The following WWC1 variants were observed in gnomAD, a reference collection of about 807,000 sequenced individuals.
The protein encoded by WWC1 is protein KIBRA.
Under a neutral mutation model 138.4 loss-of-function variants are expected in WWC1, and 55 were observed. The ratio of observed to expected loss-of-function variants is 0.40; its 90% CI spans 0.32 to 0.50. The LOEUF is 0.50. Among genes scored for constraint, WWC1 ranks in the 20% least tolerant of loss-of-function variants. The pLI is 0.72. For synonymous variants in WWC1, 524 were observed against 564.9 expected, an observed-to-expected ratio of 0.93 and a Z score of 1.03; for missense variants, 1,226 against 1,420.4, an observed-to-expected ratio of 0.86 and a Z score of 2.20.
At chr5:168,323,953 C>T (rs1581920066) in intron 1 of WWC1, among the ~76,000 whole-genome samples, 1 of 152,142 alleles carries the variant, frequency 6.6e-6, no homozygotes, top group African/African-American at 2.4e-5. Context: ...TCATCAGAGA[C>T]GATACAAACC....
chr5:168,355,972 T>C (rs777040320), intron 1 of WWC1, among the ~76,000 whole-genome samples: 24 of 151,752 alleles, frequency 1.6e-4, no homozygotes, highest in Non-Finnish European at 2.7e-4. Flanking sequence ...AGTGATTCTC[T>C]TGGGGGGGCT....
At position 168,460,713 on chromosome 5, in the gene WWC1, C is replaced by T; in HGVS notation, c.2887C>T (p.Leu963=). 6.2e-7 allele frequency: 1 copy of T among 1,614,176 alleles called. No homozygotes were observed. The highest frequency in any genetic ancestry group is 8.5e-7 in the Non-Finnish European group (1 of 1,180,026). The change falls in exon 20 of 23, where the codon CTG becomes TTG. Residue 963 remains leucine, a synonymous_variant. Transcript: ENST00000265293. ...SKKPPFVRNS[L]ERRSVRMKRP... ...AAAGCCACCTTTTGTTCGAAACTCC[C>T]TGGAGCGACGCAGCGTCCGGATGAA... is the stretch of plus-strand genomic sequence containing the variant.
chr5:168,334,094 T>C (rs10066443), intron 1 of WWC1, among the ~76,000 whole-genome samples: 15,647 of 138,128 alleles, frequency 0.11, 2,909 homozygotes, highest in African/African-American at 0.39. Flanking sequence ...TATAGTGGTA[T>C]ACAACTGTGG....
chr5:168,445,658 C>T (rs925549258), intron 17 of WWC1, among the ~76,000 whole-genome samples: 2 of 144,598 alleles, frequency 1.4e-5, no homozygotes, highest in Non-Finnish European at 3.0e-5. Context: ...ACCGAGATTG[C>T]GCCACTGCAC....
chr5:168,348,812 A>T (rs1774692524), intron 1 of WWC1, among the ~76,000 whole-genome samples: 1 of 152,128 alleles, frequency 6.6e-6, no homozygotes, highest in Non-Finnish European at 1.5e-5. Flanking sequence ...CCCACACTGC[A>T]GCCTGGGATC....
chr5:168,375,152 G>A (rs535356091), intron 2 of WWC1, among the ~76,000 whole-genome samples: 1 of 152,234 alleles, frequency 6.6e-6, no homozygotes, highest in East Asian at 1.9e-4. Flanking sequence ...GTATTTGAGA[G>A]TTGCTGGCAT....
At chr5:168,450,489 A>G (rs1755697241) in intron 17 of WWC1, among the ~76,000 whole-genome samples, 1 of 152,134 alleles carries the variant, frequency 6.6e-6, no homozygotes, top group South Asian at 2.1e-4. Context: ...AACATGGTGA[A>G]ACACCATCTC....
chr5:168,410,334 G>A (rs2152840651), intron 8 of WWC1, among the ~76,000 whole-genome samples: 1 of 152,272 alleles, frequency 6.6e-6, no homozygotes, highest in South Asian at 2.1e-4. Context: ...GAGTACAACT[G>A]GAATTTCAGC....
At chr5:168,307,097 G>C (rs190855463) in intron 1 of WWC1, among the ~76,000 whole-genome samples, 2 of 152,364 alleles carry the variant, frequency 1.3e-5, no homozygotes, top group East Asian at 3.9e-4. Context: ...GTTGTGCCAA[G>C]CTCTGGGCTG....
chr5:168,466,999 C>A (rs570610829), intron 21 of WWC1, among the ~76,000 whole-genome samples: 2 of 152,148 alleles, frequency 1.3e-5, no homozygotes, highest in Non-Finnish European at 2.9e-5. Flanking sequence ...CGGTGGCTCA[C>A]GCCTGTAATC....
At chr5:168,417,251 A>G (rs187585657) in intron 9 of WWC1, among the ~76,000 whole-genome samples, 1 of 152,308 alleles carries the variant, frequency 6.6e-6, no homozygotes, top group African/African-American at 2.4e-5. Flanking sequence ...ACCTATCTAC[A>G]ATGTTGAGGA....
chr5:168,357,739 C>T (rs779801400), intron 1 of WWC1, among the ~76,000 whole-genome samples: 4 of 152,112 alleles, frequency 2.6e-5, no homozygotes, highest in African/African-American at 4.8e-5. Flanking sequence ...CAGAACACTT[C>T]GGTGTTTCAT....
At chr5:168,338,936 TTAA>T (rs564140965) in intron 1 of WWC1, among the ~76,000 whole-genome samples, 118 of 152,218 alleles carry the variant, frequency 7.8e-4, no homozygotes, top group African/African-American at 2.7e-3. Context: ...GTTAACCATA[TTAA>T]TATAGTTTCA....
intron 3 of WWC1, among the ~76,000 whole-genome samples, chr5:168,389,597 G>GTTTTTTTTTTTTT (rs55873477): frequency 2.3e-5 from 3 of 129,332 alleles, no homozygotes; most frequent in South Asian, 2.3e-4. Context: ...TTGAATTTTT[G>GTTTTTTTTTTTTT]TTTTTTTTTT....
chr5:168,468,633 T>C (rs1455622134), intron 22 of WWC1, among the ~76,000 whole-genome samples: 1 of 152,186 alleles, frequency 6.6e-6, no homozygotes, highest in Non-Finnish European at 1.5e-5. Flanking sequence ...CAAGGGTCCT[T>C]TTAAACTGAG....
At chr5:168,444,212 C>G (rs1755035085) in intron 16 of WWC1, among the ~76,000 whole-genome samples, 1 of 152,218 alleles carries the variant, frequency 6.6e-6, no homozygotes, top group African/African-American at 2.4e-5. Context: ...AGTCAGAGAC[C>G]TTAATTCTCT....
chr5:168,401,738 T>G (rs1376108184), intron 5 of WWC1, among the ~76,000 whole-genome samples: 1 of 152,248 alleles, frequency 6.6e-6, no homozygotes, highest in Non-Finnish European at 1.5e-5. Flanking sequence ...TTTATATATG[T>G]GTGTATACAT....
At chr5:168,312,838 T>A (rs1046190482) in intron 1 of WWC1, among the ~76,000 whole-genome samples, 14 of 147,970 alleles carry the variant, frequency 9.5e-5, no homozygotes, top group Non-Finnish European at 1.9e-4. Flanking sequence ...TTTTTTTTTT[T>A]AGAGTCTAGC....
chr5:168,305,056 C>T (rs1262233591), intron 1 of WWC1, among the ~76,000 whole-genome samples: 1 of 151,908 alleles, frequency 6.6e-6, no homozygotes, highest in African/African-American at 2.4e-5. Flanking sequence ...AACTCCCAAC[C>T]TCAGGTGATC....
Sources: allele counts gnomAD v4.1 joint callset (sites outside exome capture counted in the v4.1 genomes callset), GRCh38; gene constraint gnomAD v4.1.1; transcripts MANE v1.5; gene names NCBI Gene and HGNC (gene_info 2026-07-23, HGNC 2026-07-21).